Variants in VIPR1 observed in about 807,000 individuals in gnomAD.
VIPR1 encodes the protein vasoactive intestinal peptide receptor 1.
VIPR1 carries 59 observed loss-of-function variants against 58.8 expected under a neutral mutation model. That is an observed-to-expected ratio of 1.00 (90% CI 0.81 to 1.25). The LOEUF is 1.25. Among genes scored for constraint, VIPR1 ranks in the 50% most tolerant of loss-of-function variants. The pLI is 0.00. For missense variants in VIPR1, 626 were observed against 602.7 expected, an observed-to-expected ratio of 1.04 and a Z score of -0.40; for synonymous variants, 251 against 242.1, an observed-to-expected ratio of 1.04 and a Z score of -0.34.
rs745543547 is a variant in VIPR1, at chr3:42,527,382, C to G, written c.400-11C>G. On this transcript the variant is annotated splice_polypyrimidine_tract_variant and intron_variant, in intron 4 of 12. Transcript: ENST00000325123. ...CCACCACCCAAGAGCCTCTCCCTGT[C>G]CCTCCAACAGCAGCAGACCATGTTC... The G allele has an allele frequency of 6.8e-6, 11 of 1,611,874 alleles. No individual in the cohort carries two copies. Among genetic ancestry groups the G allele is most frequent in the Non-Finnish European group, 8.5e-6 (10 of 1,178,576 alleles).
chr3:42,527,812 T>G, intron 5 of VIPR1, 179 bp from the exon 6 acceptor site: 1 of 911,088 alleles, frequency 1.1e-6, no homozygotes, highest in Non-Finnish European at 1.7e-6. Flanking sequence ...GTTGCACAGG[T>G]GGATGGGGTA....
intron 1 of VIPR1, chr3:42,511,762 G>C (rs1160278998): frequency 6.6e-6 from 1 of 152,176 alleles, no homozygotes; most frequent in Non-Finnish European, 1.5e-5. Context: ...CCAATGATGG[G>C]ACACAAGGCA....
At chr3:42,529,239 T>A (rs1481049172) in intron 6 of VIPR1, 1 of 152,070 alleles carries the variant, frequency 6.6e-6, no homozygotes, top group Non-Finnish European at 1.5e-5. Flanking sequence ...GGGCGGATCA[T>A]GAGGTCAGGA....
rs146727497 is a variant in VIPR1 at position 42,525,985 on chromosome 3, T to C, written c.391T>C (p.Leu131=). 9.8e-5 allele frequency: 158 copies of C among 1,611,578 alleles called. No individual in the cohort carries two copies. The African/African-American group carries it at 1.9e-3, about 19-fold the overall frequency. Residue 131 remains leucine, a synonymous_variant, in exon 4 of 13, where the codon TTG becomes CTG. Transcript: ENST00000325123. ...TGGTTTGGATGACAAGGCAGCGAGTTTGGATGAGGTGGGTCTCAGGGCACC... is the reference window on the plus strand; with the variant it reads ...TGGTTTGGATGACAAGGCAGCGAGTCTGGATGAGGTGGGTCTCAGGGCACC... ...ACGLDDKAAS[L]DEQQTMFYGS...
intron 4 of VIPR1, 98 bp from the exon 5 acceptor site, chr3:42,527,295 G>A (rs1347708727): frequency 8.8e-7 from 1 of 1,131,004 alleles, no homozygotes; most frequent in Non-Finnish European, 1.3e-6. Flanking sequence ...AGGCAGGGTT[G>A]GGCAGGCAGA....
chr3:42,523,087 C>G (rs936238862), intron 3 of VIPR1, among the ~76,000 whole-genome samples: 2 of 150,720 alleles, frequency 1.3e-5, no homozygotes, highest in Admixed American at 6.6e-5. Context: ...TGCCCTGACC[C>G]CGCCCCCAGT....
chr3:42,491,349 G>A lies in VIPR1; in HGVS notation c.-245+1671G>A, dbSNP rs566924254. On this transcript the variant is annotated intron_variant, in intron 1 of 13. Coordinates refer to the VIPR1 transcript ENST00000433647. ...TATTTCTTAGTGTGAAAATTGTGTTGTGTATAATGGTATTGTGGTTATTTT... is the reference window on the plus strand; with the variant it reads ...TATTTCTTAGTGTGAAAATTGTGTTATGTATAATGGTATTGTGGTTATTTT... Among the ~76,000 whole-genome samples, 21 of 152,306 alleles carry A rather than the reference G, an allele frequency of 1.4e-4. No homozygotes were observed. The South Asian group carries it at 1.7e-3, about 12-fold the overall frequency.
rs1455816308 is a variant in VIPR1, at chr3:42,536,921, G to A, written c.*640G>A. The A allele has an allele frequency of 1.3e-5, 2 of 152,206 alleles. No individual in the cohort carries two copies. Among genetic ancestry groups the A allele is most frequent in the Non-Finnish European group, 2.9e-5 (2 of 68,044 alleles). 9.4% of individuals were successfully genotyped at this position (152,206 alleles called of 1,614,324 possible). A position where few individuals can be genotyped will look rare whatever the true frequency, so the allele number is the denominator to read the frequency against. On this transcript the variant is annotated 3_prime_UTR_variant, in exon 13 of 13. Transcript: ENST00000325123. The stretch of plus-strand genomic sequence containing the variant: ...TCCCCACCGAAGTGGACTGGCCCCT[G>A]GGTCAGTCTGGTGGGAGGACGGTGC...
intron 1 of VIPR1, among the ~76,000 whole-genome samples, chr3:42,491,186 A>G (rs1002103621): frequency 6.6e-6 from 1 of 152,216 alleles, no homozygotes; most frequent in African/African-American, 2.4e-5. Flanking sequence ...GAGTCTCTGT[A>G]TGAAATTTGA....
At chr3:42,499,708 G>A (rs1031251030), upstream of VIPR1, among the ~76,000 whole-genome samples, 2 of 152,142 alleles carry the variant, frequency 1.3e-5, no homozygotes, top group Non-Finnish European at 2.9e-5. Flanking sequence ...TTTGGACAGG[G>A]TGGGGAGATT....
chr3:42,514,786 C>T (rs1700542552), intron 2 of VIPR1, among the ~76,000 whole-genome samples: 1 of 152,124 alleles, frequency 6.6e-6, no homozygotes, highest in Non-Finnish European at 1.5e-5. Flanking sequence ...AAGGGTAGTG[C>T]CCAGCTACCA....
At chr3:42,519,711 C>T (rs963885832) in intron 3 of VIPR1, among the ~76,000 whole-genome samples, 1 of 152,194 alleles carries the variant, frequency 6.6e-6, no homozygotes, top group Non-Finnish European at 1.5e-5. Context: ...GCTTACACAC[C>T]TTGTCATGTT....
In VIPR1 at chr3:42,536,490, G is replaced by A. The variant is rs2125683336; in HGVS notation, c.*209G>A. The stretch of plus-strand genomic sequence containing the variant: ...GCGTTTCTAGCAAGTGAGAGAGATG[G>A]GAGCTCCTCTCCTGGAGGATTGCAG... On this transcript the variant is annotated 3_prime_UTR_variant, in exon 13 of 13. Transcript: ENST00000325123. 2.1e-6 allele frequency: 1 copy of A among 484,172 alleles called. No homozygotes were observed. The highest frequency in any genetic ancestry group is 3.5e-5 in the East Asian group (1 of 28,340). 30.0% of individuals were successfully genotyped at this position (484,172 alleles called of 1,614,324 possible).
Position 42,536,743 on chromosome 3 carries a change from TGCTGTCAAG to T in VIPR1, c.*463_*471del. On this transcript the variant is annotated 3_prime_UTR_variant, in exon 13 of 13. Coordinates refer to ENST00000325123, the MANE Select transcript of VIPR1 (RefSeq NM_004624.4). Reference sequence around the variant, plus strand: ...ACGGTAGTGCCTGAAATTTCACCATTGCTGTCAAGTTCCTTTGGGTTAAGCATTACCACT... The same window carrying T: ...ACGGTAGTGCCTGAAATTTCACCATTTTCCTTTGGGTTAAGCATTACCACT... The T allele has an allele frequency of 6.4e-6, 1 of 157,022 alleles. No homozygotes were observed. The highest frequency in any genetic ancestry group is 1.4e-5 in the Non-Finnish European group (1 of 71,450). 9.7% of individuals were successfully genotyped at this position (157,022 alleles called of 1,614,324 possible). A position where few individuals can be genotyped will look rare whatever the true frequency, so the allele number is the denominator to read the frequency against.
At chr3:42,527,815 A>T (rs1040733508) in intron 5 of VIPR1, 176 bp from the exon 6 acceptor site, 1 of 930,668 alleles carries the variant, frequency 1.1e-6, no homozygotes, top group East Asian at 2.5e-5. Context: ...GCACAGGTGG[A>T]TGGGGTACCT....
intron 10 of VIPR1, 95 bp downstream of exon 10, chr3:42,532,428 C>A: frequency 7.7e-7 from 1 of 1,300,156 alleles, no homozygotes; most frequent in Non-Finnish European, 1.1e-6. Context: ...CCCAAACATC[C>A]AGAGTCACCA....
At chr3:42,527,585 G>A (rs1192843002) in intron 5 of VIPR1, 89 bp downstream of exon 5, 53 of 1,266,720 alleles carry the variant, frequency 4.2e-5, no homozygotes, top group East Asian at 1.7e-4. Context: ...GGCGTGCCCC[G>A]ACCCCTCCAC....
Position 42,528,058 on chromosome 3 carries a change from G to T in VIPR1, c.571G>T (p.Ala191Ser). 6.2e-7 allele frequency: 1 copy of T among 1,614,016 alleles called. No individual in the cohort carries two copies. Among genetic ancestry groups the T allele is most frequent in the Non-Finnish European group, 8.5e-7 (1 of 1,179,956 alleles). Residue 191 changes from alanine (A) to serine (S), a missense_variant, in exon 6 of 13, where the codon GCT becomes TCT. Physicochemically the swap from Ala to Ser is moderately conservative, Grantham distance 99. Coordinates refer to ENST00000325123, the MANE Select transcript of VIPR1 (RefSeq NM_004624.4). ...LFISFILRAA[A>S]VFIKDLALFD... ...CATATCCTTCATCCTGAGGGCTGCC[G>T]CTGTCTTCATCAAAGACTTGGCCCT...
At chr3:42,501,750 T>G (rs771411823), upstream of VIPR1, among the ~76,000 whole-genome samples, 1 of 152,074 alleles carries the variant, frequency 6.6e-6, no homozygotes, top group Non-Finnish European at 1.5e-5. This position sits in a 1 kb window ranked among gnomAD's most constrained non-coding sequence, Gnocchi z 4.8. Flanking sequence ...AGCTGTAAAA[T>G]AGGGAATGCA....
Sources: gnomAD v4.1 joint callset for allele counts (sites outside exome capture counted in the v4.1 genomes callset) on GRCh38, gnomAD v4.1.1 for gene constraint, Gnocchi (gnomAD v3.1) non-coding constraint, MANE v1.5 for transcripts, NCBI Gene and HGNC (gene_info 2026-07-23, HGNC 2026-07-21) for gene names.